Variants in PACRG observed in about 807,000 individuals in gnomAD.
PACRG encodes parkin coregulated gene protein.
Under a neutral mutation model 29.7 loss-of-function variants are expected in PACRG, and 29 were observed. The ratio of observed to expected loss-of-function variants is 0.98; its 90% CI spans 0.73 to 1.33. The LOEUF is 1.33. Among genes scored for constraint, PACRG ranks in the 40% most tolerant of loss-of-function variants. The pLI, the probability that PACRG is intolerant of heterozygous loss-of-function variation, is 0.00. For missense variants in PACRG, 279 were observed against 316.2 expected (o/e 0.88, Z 0.89); for synonymous variants, 116 against 118.7 (o/e 0.98, Z 0.15).
chr6:163,016,183 C>T (rs1385199486), intron 2 of PACRG: 1 of 152,176 alleles, frequency 6.6e-6, no homozygotes, highest in African/African-American at 2.4e-5. Context: ...TCAAGGGGCA[C>T]AGTCGTCTTT....
chr6:163,166,844 A>G (rs2128344470), intron 4 of PACRG, among the ~76,000 whole-genome samples: 1 of 152,392 alleles, frequency 6.6e-6, no homozygotes, highest in East Asian at 1.9e-4. Flanking sequence ...ACAAAATTCC[A>G]TATCTGACAA....
At chr6:162,732,128 A>G (rs554524878) in intron 1 of PACRG, among the ~76,000 whole-genome samples, 91 of 152,324 alleles carry the variant, frequency 6.0e-4, no homozygotes, top group Non-Finnish European at 9.6e-4. Context: ...GCCAGAACCT[A>G]GTAATAAATA....
intron 2 of PACRG, among the ~76,000 whole-genome samples, chr6:162,944,109 GCCTGTGGACTGGCCTACCTGT>G (rs1798830207): frequency 6.6e-6 from 1 of 152,190 alleles, no homozygotes; most frequent in Non-Finnish European, 1.5e-5. Context: ...CACCACTGGG[GCCTGTGGACTGGCCTACCTGT>G]CCTCCTTATC....
intron 4 of PACRG, among the ~76,000 whole-genome samples, chr6:163,292,375 AT>A (rs2128187544): frequency 6.6e-6 from 1 of 152,250 alleles, no homozygotes; most frequent in East Asian, 1.9e-4. Flanking sequence ...AGGAATTGTT[AT>A]GGGAAACTAT....
rs181167806 is a variant in PACRG, at chr6:163,155,216, G to C, written c.613+65808G>C. ...GGCATGAAAGACCCTTCCCGAGCCC[G>C]CTTTCCAAAGATACGTATGCTTCCT... is the stretch of plus-strand genomic sequence containing the variant. On this transcript the variant is annotated intron_variant, in intron 4 of 4. Coordinates refer to ENST00000366888, the MANE Select transcript of PACRG (RefSeq NM_001080379.2). Among the ~76,000 whole-genome samples the C allele has an allele frequency of 3.2e-3, 483 of 152,258 alleles. 2 individuals are homozygous for C. Among genetic ancestry groups the C allele is most frequent in the Non-Finnish European group, 5.3e-3 (362 of 68,024 alleles).
At chr6:163,094,857 A>G (rs906926671) in intron 4 of PACRG, among the ~76,000 whole-genome samples, 14 of 152,208 alleles carry the variant, frequency 9.2e-5, no homozygotes, top group African/African-American at 3.4e-4. Context: ...TAAACTACAC[A>G]GCACAATGGT....
intron 2 of PACRG, among the ~76,000 whole-genome samples, chr6:162,955,956 C>A (rs1799992791): frequency 6.6e-6 from 1 of 152,142 alleles, no homozygotes; most frequent in Non-Finnish European, 1.5e-5. Flanking sequence ...GTGGGAGCAG[C>A]CTGGCGACAT....
At chr6:162,932,982 T>C (rs144384855) in intron 2 of PACRG, among the ~76,000 whole-genome samples, 205 of 152,166 alleles carry the variant, frequency 1.3e-3, no homozygotes, top group Middle Eastern at 3.4e-3. Flanking sequence ...CTACTTTTGA[T>C]TTAGGTGTTT....
chr6:163,217,352 C>A (rs779259702), intron 4 of PACRG, among the ~76,000 whole-genome samples: 6 of 152,248 alleles, frequency 3.9e-5, no homozygotes, highest in African/African-American at 7.2e-5. Context: ...AGGCATACGC[C>A]AGTCCCTGGA....
chr6:162,882,355 G>C (rs1287888340), intron 2 of PACRG, among the ~76,000 whole-genome samples: 1 of 150,290 alleles, frequency 6.7e-6, no homozygotes, highest in Non-Finnish European at 1.5e-5. Flanking sequence ...CGGAGGCACT[G>C]TCCACCAATA....
intron 2 of PACRG, among the ~76,000 whole-genome samples, chr6:163,010,799 G>A (rs920774530): frequency 2.6e-5 from 4 of 152,202 alleles, no homozygotes; most frequent in Admixed American, 2.6e-4. Flanking sequence ...ATATAAAGGT[G>A]TGTTCTCCTG....
chr6:163,179,724 AATTTTCTTAC>A (rs58575508), intron 4 of PACRG, among the ~76,000 whole-genome samples: 1 of 147,880 alleles, frequency 6.8e-6, no homozygotes, highest in Non-Finnish European at 1.5e-5. Context: ...AAAAAAAAAA[AATTTTCTTAC>A]ATCACTAGTT....
At chr6:162,788,156 G>T in intron 1 of PACRG, among the ~76,000 whole-genome samples, 1 of 149,854 alleles carries the variant, frequency 6.7e-6, no homozygotes, top group Admixed American at 6.6e-5. Flanking sequence ...ATACTTCCGT[G>T]ACCCCCTATT....
intron 1 of PACRG, among the ~76,000 whole-genome samples, chr6:162,767,374 T>A (rs926119147): frequency 6.6e-6 from 1 of 151,958 alleles, no homozygotes; most frequent in African/African-American, 2.4e-5. Context: ...TGACTATAAT[T>A]TTTATCATTA....
chr6:163,231,003 AAT>A (rs1782020596), intron 4 of PACRG, among the ~76,000 whole-genome samples: 1 of 152,200 alleles, frequency 6.6e-6, no homozygotes, highest in African/African-American at 2.4e-5. Flanking sequence ...AGGGTGCCAC[AAT>A]CTTCAGGCAC....
intron 1 of PACRG, among the ~76,000 whole-genome samples, chr6:162,744,188 T>C (rs1780809525): frequency 6.6e-6 from 1 of 152,244 alleles, no homozygotes; most frequent in Non-Finnish European, 1.5e-5. Flanking sequence ...GATCATTTTC[T>C]AGAAATGTTC....
At chr6:163,220,033 A>G (rs1781516159) in intron 4 of PACRG, among the ~76,000 whole-genome samples, 1 of 152,130 alleles carries the variant, frequency 6.6e-6, no homozygotes, top group South Asian at 2.1e-4. Context: ...CTACTATTTA[A>G]TATCAATGCA....
intron 4 of PACRG, among the ~76,000 whole-genome samples, chr6:163,176,504 A>C (rs761621): frequency 0.89 from 134,769 of 152,150 alleles, 59,824 homozygotes; most frequent in African/African-American, 0.94. Context: ...ATTTATTGAA[A>C]CCTACCAGGC....
At chr6:162,770,272 G>T (rs1334091482) in intron 1 of PACRG, among the ~76,000 whole-genome samples, 3 of 151,976 alleles carry the variant, frequency 2.0e-5, no homozygotes, top group African/African-American at 7.3e-5. Context: ...TTAATTCATT[G>T]CACAATTATA....
Sources: allele counts gnomAD v4.1 joint callset (sites outside exome capture counted in the v4.1 genomes callset), GRCh38; gene constraint gnomAD v4.1.1; transcripts MANE v1.5; gene names NCBI Gene and HGNC (gene_info 2026-07-23, HGNC 2026-07-21).